The following BNC2 variants were observed in gnomAD, a reference collection of about 807,000 sequenced individuals.
The protein encoded by BNC2 is basonuclin zinc finger protein 2.
In BNC2, 20 loss-of-function variants were observed where a neutral mutation model predicts 76.3. The observed-to-expected ratio is 0.26, with a 90% CI of 0.18 to 0.38. The LOEUF is 0.38. Among genes scored for constraint, BNC2 ranks in the 10% least tolerant of loss-of-function variants. The probability of loss-of-function intolerance (pLI) is 1.00; values close to 1 mark genes in which losing one functional copy is unlikely to be tolerated. For synonymous variants in BNC2, 582 were observed against 514.8 expected (o/e 1.13, Z -1.77); for missense variants, 1,382 against 1,399.8 (o/e 0.99, Z 0.20).
At chr9:16,546,818 G>A (rs1331643095) in intron 5 of BNC2, among the ~76,000 whole-genome samples, 1 of 152,070 alleles carries the variant, frequency 6.6e-6, no homozygotes, top group Non-Finnish European at 1.5e-5. Context: ...TTACATTCTG[G>A]AAAGACAGGC....
At chr9:16,853,854 G>A (rs1436282485) in intron 1 of BNC2, among the ~76,000 whole-genome samples, 2 of 152,076 alleles carry the variant, frequency 1.3e-5, no homozygotes, top group African/African-American at 4.8e-5. Flanking sequence ...AGCAATAGAG[G>A]GAGACTCTGT....
chr9:16,545,337 ATAGT>A (rs574825166), intron 5 of BNC2, among the ~76,000 whole-genome samples: 2 of 152,190 alleles, frequency 1.3e-5, no homozygotes, highest in South Asian at 4.1e-4. Flanking sequence ...TATCATATTA[ATAGT>A]TAGCATTGCC....
At chr9:16,821,982 A>T (rs1023015010) in intron 1 of BNC2, among the ~76,000 whole-genome samples, 1 of 151,108 alleles carries the variant, frequency 6.6e-6, no homozygotes, top group East Asian at 2.0e-4. Context: ...AGTCCCAGCT[A>T]CTCGGGAGGC....
intron 5 of BNC2, among the ~76,000 whole-genome samples, chr9:16,444,485 T>A (rs1821192213): frequency 6.6e-6 from 1 of 152,126 alleles, no homozygotes; most frequent in African/African-American, 2.4e-5. Flanking sequence ...GGTGGACATG[T>A]ATCAGAATGT....
chr9:16,668,356 C>G (rs1203728926), intron 3 of BNC2, among the ~76,000 whole-genome samples: 1 of 152,146 alleles, frequency 6.6e-6, no homozygotes, highest in African/African-American at 2.4e-5. Flanking sequence ...ATGAAAAGAC[C>G]TTTAGATGAG....
intron 1 of BNC2, among the ~76,000 whole-genome samples, chr9:16,852,915 C>G (rs1009447618): frequency 5.9e-5 from 9 of 152,150 alleles, no homozygotes; most frequent in Non-Finnish European, 1.2e-4. Context: ...TTAGAGGGAG[C>G]AGTGGCAGGA....
At chr9:16,628,365 G>C (rs1229325863) in intron 3 of BNC2, among the ~76,000 whole-genome samples, 1 of 152,188 alleles carries the variant, frequency 6.6e-6, no homozygotes, top group Non-Finnish European at 1.5e-5. Flanking sequence ...GTGGTAGGGA[G>C]AAAATCCACA....
chr9:16,790,633 T>C (rs1013048631), intron 1 of BNC2, among the ~76,000 whole-genome samples: 2 of 152,180 alleles, frequency 1.3e-5, no homozygotes, highest in African/African-American at 2.4e-5. Flanking sequence ...AGTTATACAA[T>C]ATCTGTGAGA....
rs981308588 is a variant in BNC2, at chr9:16,788,520, T to C, written c.4-50035A>G. On this transcript the variant is annotated intron_variant, in intron 1 of 6. Coordinates refer to ENST00000380672, the MANE Select transcript of BNC2 (RefSeq NM_017637.6). ...GTGAGCCGAGATGACGCCACTGCACTCCACCCTGGGCGACAGAGCAACACT... is the reference window on the plus strand; with the variant it reads ...GTGAGCCGAGATGACGCCACTGCACCCCACCCTGGGCGACAGAGCAACACT... Among the ~76,000 whole-genome samples, 229 of 134,368 alleles carry C rather than the reference T, an allele frequency of 1.7e-3. 1 individual carries two copies. The highest frequency in any genetic ancestry group is 6.5e-3 in the African/African-American group (225 of 34,638). 88.2% of individuals were successfully genotyped at this position (134,368 alleles called of 152,430 possible). A position where few individuals can be genotyped will look rare whatever the true frequency, so the allele number is the denominator to read the frequency against.
intron 5 of BNC2, among the ~76,000 whole-genome samples, chr9:16,548,226 T>G (rs2132475397): frequency 6.6e-6 from 1 of 152,256 alleles, no homozygotes. Context: ...CTATAAAAAC[T>G]TGATTTTTAA....
chr9:16,780,208 C>T (rs1040261395), intron 1 of BNC2, among the ~76,000 whole-genome samples: 5 of 122,326 alleles, frequency 4.1e-5, no homozygotes, highest in East Asian at 2.4e-4. Flanking sequence ...TGCACTCCAG[C>T]CTGGGTGACA....
intron 1 of BNC2, among the ~76,000 whole-genome samples, chr9:16,789,310 C>G (rs1488370890): frequency 6.6e-6 from 1 of 151,776 alleles, no homozygotes; most frequent in East Asian, 1.9e-4. Context: ...GGCCATGGCA[C>G]TTATATCAAA....
intron 1 of BNC2, among the ~76,000 whole-genome samples, chr9:16,810,771 A>G (rs1818027554): frequency 4.6e-5 from 7 of 152,124 alleles, no homozygotes; most frequent in Admixed American, 4.6e-4. Context: ...CTAGCCAGAT[A>G]CCCTACCTCA....
intron 1 of BNC2, among the ~76,000 whole-genome samples, chr9:16,791,894 G>C (rs936468723): frequency 4.6e-5 from 7 of 152,116 alleles, no homozygotes; most frequent in African/African-American, 1.7e-4. Context: ...CTTAAGCCCA[G>C]AAGTTAGAGA....
rs71327842 is a variant in BNC2 at position 16,691,504 on chromosome 9, C to CTTTT, written c.330+36289_330+36292dup. On this transcript the variant is annotated intron_variant, in intron 3 of 6. Transcript: ENST00000380672. Reference sequence around the variant, plus strand: ...CCAGATCCACGGATGGGTATGGGTTCTTTTTTTTTTTTTTTTTTTTTTTGA... The same window carrying CTTTT: ...CCAGATCCACGGATGGGTATGGGTTCTTTTTTTTTTTTTTTTTTTTTTTTTTTGA... Among the ~76,000 whole-genome samples the CTTTT allele has an allele frequency of 6.1e-4, 69 of 113,198 alleles. 2 individuals are homozygous for CTTTT. Among genetic ancestry groups the CTTTT allele is most frequent in the African/African-American group, 1.6e-3 (46 of 28,398 alleles). The allele number at this position is 113,198 out of a possible 152,430, so 74.3% of individuals were successfully genotyped here. A position where few individuals can be genotyped will look rare whatever the true frequency, so the allele number is the denominator to read the frequency against.
intron 5 of BNC2, chr9:16,476,138 G>A (rs893454885): frequency 6.6e-6 from 1 of 152,302 alleles, no homozygotes; most frequent in East Asian, 1.9e-4. Flanking sequence ...ATCAAGAGCT[G>A]AGCCACTGAC....
At chr9:16,459,461 G>A (rs1162700421) in intron 5 of BNC2, among the ~76,000 whole-genome samples, 2 of 152,132 alleles carry the variant, frequency 1.3e-5, no homozygotes, top group Non-Finnish European at 2.9e-5. Context: ...GGATTCGAAG[G>A]CTCTGGGCAA....
intron 3 of BNC2, among the ~76,000 whole-genome samples, chr9:16,658,259 G>A (rs1587282079): frequency 7.4e-6 from 1 of 134,844 alleles, no homozygotes. Flanking sequence ...AAGTGTTTTT[G>A]CAGTAATCTC....
intron 1 of BNC2, among the ~76,000 whole-genome samples, chr9:16,762,587 A>G (rs943880486): frequency 1.3e-5 from 2 of 152,178 alleles, no homozygotes; most frequent in African/African-American, 4.8e-5. Context: ...AGTAGACTAC[A>G]GCTACCCCAT....
Sources: allele counts gnomAD v4.1 joint callset (sites outside exome capture counted in the v4.1 genomes callset), GRCh38; gene constraint gnomAD v4.1.1; transcripts MANE v1.5; gene names NCBI Gene and HGNC (gene_info 2026-07-23, HGNC 2026-07-21).